Variants in CHST11 observed in about 807,000 individuals in gnomAD.
CHST11 encodes C4S-1.
A neutral mutation model predicts 30.4 loss-of-function variants in CHST11; 9 were observed. The ratio of observed to expected loss-of-function variants is 0.30; its 90% CI spans 0.18 to 0.52. The LOEUF (loss-of-function observed/expected upper bound fraction) is 0.52. Among genes scored for constraint, CHST11 ranks in the 20% least tolerant of loss-of-function variants. CHST11 has a pLI of 0.97. For synonymous variants in CHST11, 152 were observed against 187.8 expected, an observed-to-expected ratio of 0.81 and a Z score of 1.56; for missense variants, 348 against 460.6, an observed-to-expected ratio of 0.76 and a Z score of 2.24.
intron 2 of CHST11, among the ~76,000 whole-genome samples, chr12:104,645,805 A>T (rs867643366): frequency 6.6e-6 from 1 of 152,224 alleles, no homozygotes; most frequent in Admixed American, 6.5e-5. Context: ...AAATAAGATG[A>T]GTTGACAGAG....
At chr12:104,580,360 G>A (rs2038731083) in intron 1 of CHST11, among the ~76,000 whole-genome samples, 1 of 152,162 alleles carries the variant, frequency 6.6e-6, no homozygotes, top group Admixed American at 6.5e-5. Flanking sequence ...AGTAAAGCAT[G>A]GGCATTTAAG....
At chr12:104,616,623 G>A (rs1010726641) in intron 2 of CHST11, among the ~76,000 whole-genome samples, 2 of 152,184 alleles carry the variant, frequency 1.3e-5, no homozygotes, top group Admixed American at 1.3e-4. Flanking sequence ...ACACCACCAC[G>A]CCTGGCTAAT....
At chr12:104,460,230 C>T (rs1036857740) in intron 1 of CHST11, among the ~76,000 whole-genome samples, 1 of 152,162 alleles carries the variant, frequency 6.6e-6, no homozygotes, top group Non-Finnish European at 1.5e-5. Context: ...CACAGCATGG[C>T]ACGGATTGTG....
chr12:104,558,547 C>T (rs796248306), intron 1 of CHST11, among the ~76,000 whole-genome samples: 6 of 120,378 alleles, frequency 5.0e-5, no homozygotes, highest in South Asian at 3.6e-4. Flanking sequence ...TTCCCCCCCC[C>T]GCCCCCCCGA....
intron 2 of CHST11, among the ~76,000 whole-genome samples, chr12:104,740,749 G>A (rs1036279976): frequency 1.6e-4 from 24 of 152,186 alleles, no homozygotes; most frequent in African/African-American, 4.8e-4. Context: ...TCTGGGCCCC[G>A]GGTCTGTGTC....
At chr12:104,546,192 G>A (rs1436193338) in intron 1 of CHST11, among the ~76,000 whole-genome samples, 1 of 151,856 alleles carries the variant, frequency 6.6e-6, no homozygotes, top group Non-Finnish European at 1.5e-5. Context: ...TTCCTGGGTT[G>A]GGTAGAGTGG....
chr12:104,696,918 A>G (rs1592844569), intron 2 of CHST11, among the ~76,000 whole-genome samples: 2 of 152,150 alleles, frequency 1.3e-5, no homozygotes, highest in Non-Finnish European at 2.9e-5. Flanking sequence ...CTGTACAACT[A>G]TGTGTTTTGA....
chr12:104,591,163 G>T (rs894226391), intron 1 of CHST11, among the ~76,000 whole-genome samples: 1 of 151,632 alleles, frequency 6.6e-6, no homozygotes, highest in Non-Finnish European at 1.5e-5. Flanking sequence ...GACCAGTATG[G>T]TGGAGGAGGG....
At chr12:104,716,737 A>G (rs2040134720) in intron 2 of CHST11, among the ~76,000 whole-genome samples, 1 of 152,208 alleles carries the variant, frequency 6.6e-6, no homozygotes, top group East Asian at 1.9e-4. Context: ...TCATCCACGG[A>G]GGGCTTCACA....
intron 2 of CHST11, among the ~76,000 whole-genome samples, chr12:104,754,906 T>G (rs2040462356): frequency 6.6e-6 from 1 of 152,210 alleles, no homozygotes; most frequent in South Asian, 2.1e-4. Flanking sequence ...TTAAACATAA[T>G]GTATTTAAAT....
chr12:104,515,725 G>C (rs920914381), intron 1 of CHST11, among the ~76,000 whole-genome samples: 27 of 152,158 alleles, frequency 1.8e-4, no homozygotes, highest in Non-Finnish European at 4.4e-5. Flanking sequence ...CAGGGGGAGA[G>C]AGTGGGGACT....
chr12:104,584,969 A>G (rs1240462534), intron 1 of CHST11, among the ~76,000 whole-genome samples: 1 of 152,250 alleles, frequency 6.6e-6, no homozygotes, highest in Admixed American at 6.5e-5. Context: ...TTTTAAAATC[A>G]GTGTTCTCTC....
chr12:104,515,501 G>GT (rs2038013858), intron 1 of CHST11, among the ~76,000 whole-genome samples: 1 of 152,112 alleles, frequency 6.6e-6, no homozygotes, highest in Non-Finnish European at 1.5e-5. Flanking sequence ...AAGCTAGTTT[G>GT]TTTTTTCATT....
intron 2 of CHST11, among the ~76,000 whole-genome samples, chr12:104,706,230 A>G (rs891814669): frequency 6.6e-6 from 1 of 151,426 alleles, no homozygotes; most frequent in Non-Finnish European, 1.5e-5. Flanking sequence ...TTAAAAATAC[A>G]AAAATTAGCC....
At chr12:104,712,913 T>C (rs1378202470) in intron 2 of CHST11, among the ~76,000 whole-genome samples, 5 of 151,762 alleles carry the variant, frequency 3.3e-5, no homozygotes, top group African/African-American at 9.7e-5. Flanking sequence ...GACAGGGGGA[T>C]TGTTATTTTA....
At chr12:104,687,420 G>A (rs761667716) in intron 2 of CHST11, among the ~76,000 whole-genome samples, 2 of 152,360 alleles carry the variant, frequency 1.3e-5, no homozygotes, top group African/African-American at 2.4e-5. Context: ...CACACACCAT[G>A]TGAAGCGCTT....
At chr12:104,557,009 CT>C (rs1219228229) in intron 1 of CHST11, among the ~76,000 whole-genome samples, 8 of 151,524 alleles carry the variant, frequency 5.3e-5, no homozygotes, top group African/African-American at 1.7e-4. Context: ...AGATTTCCCT[CT>C]TCTTGTAAGG....
intron 2 of CHST11, among the ~76,000 whole-genome samples, chr12:104,647,790 T>C (rs2039449246): frequency 6.6e-6 from 1 of 152,278 alleles, no homozygotes; most frequent in African/African-American, 2.4e-5. Flanking sequence ...GTGGGGTCTG[T>C]GGTTTGGGCT....
intron 2 of CHST11, among the ~76,000 whole-genome samples, chr12:104,724,598 A>G (rs1391089685): frequency 1.3e-5 from 2 of 152,048 alleles, no homozygotes; most frequent in Non-Finnish European, 2.9e-5. Flanking sequence ...CCGGGAGGCA[A>G]AGAAACTTGT....
Sources: allele counts gnomAD v4.1 joint callset (sites outside exome capture counted in the v4.1 genomes callset), GRCh38; gene constraint gnomAD v4.1.1; transcripts MANE v1.5; gene names NCBI Gene and HGNC (gene_info 2026-07-23, HGNC 2026-07-21).